The following RNF144B variants were observed in gnomAD, a reference collection of about 807,000 sequenced individuals.
The protein encoded by RNF144B is E3 ubiquitin-protein ligase RNF144B.
Under a neutral mutation model 40.2 loss-of-function variants are expected in RNF144B, and 25 were observed. The ratio of observed to expected loss-of-function variants is 0.62; its 90% confidence interval spans 0.45 to 0.87. RNF144B has a LOEUF of 0.87. Ranked by LOEUF, RNF144B falls within the 40% of genes least tolerant of loss-of-function variation. The pLI is 0.00. For synonymous variants in RNF144B, 145 were observed against 136.3 expected, an observed-to-expected ratio of 1.06 and a Z score of -0.44; for missense variants, 365 against 373.7, an observed-to-expected ratio of 0.98 and a Z score of 0.19.
At position 18,406,457 on chromosome 6, in the gene RNF144B, A is replaced by T. The variant is rs992940223; in HGVS notation, c.165+6758A>T. On this transcript the variant is annotated intron_variant, in intron 2 of 7. Transcript: ENST00000259939. The surrounding 1 kb of genome is among the most constrained non-coding windows in gnomAD (Gnocchi z 4.2). ...CAAAGGAGGCTGGTGTGGCTGGAAAAGTGTGTGTGTGTGTGTGTGTGTGTG... is the reference window on the plus strand; with the variant it reads ...CAAAGGAGGCTGGTGTGGCTGGAAATGTGTGTGTGTGTGTGTGTGTGTGTG... 7.6e-6 allele frequency among the ~76,000 whole-genome samples: 1 copy of T among 130,946 alleles called. No homozygotes were observed. Among genetic ancestry groups the T allele is most frequent in the Admixed American group, 7.7e-5 (1 of 13,062 alleles). 85.9% of individuals were successfully genotyped at this position (130,946 alleles called of 152,430 possible).
rs897262084 is a variant in RNF144B, at chr6:18,410,716, G to A, written c.165+11017G>A. Among the ~76,000 whole-genome samples, 16 of 152,212 alleles carry A rather than the reference G, an allele frequency of 1.1e-4. 1 individual carries two copies. In the East Asian group the frequency reaches 3.1e-3, roughly 29 times the overall value. Reference sequence around the variant, plus strand: ...GTTAAAAAAACATTATGGAGCCACTGGAAGGCTTTGTTTGGGAATGAGATA... The same window carrying A: ...GTTAAAAAAACATTATGGAGCCACTAGAAGGCTTTGTTTGGGAATGAGATA... On this transcript the variant is annotated intron_variant, in intron 2 of 7. Transcript: ENST00000259939. This position sits in a 1 kb window ranked among gnomAD's most constrained non-coding sequence, Gnocchi z 4.6.
chr6:18,409,403 A>AAAAC (rs1794987179), intron 2 of RNF144B, among the ~76,000 whole-genome samples: 6 of 115,700 alleles, frequency 5.2e-5, no homozygotes, highest in South Asian at 5.4e-4. Context: ...AAAAAAAAAA[A>AAAAC]CCCTGGAAAA....
chr6:18,449,143 GT>G (rs1240877476), intron 4 of RNF144B, among the ~76,000 whole-genome samples: 2 of 152,152 alleles, frequency 1.3e-5, no homozygotes, highest in African/African-American at 4.8e-5. Flanking sequence ...TCCATTCTGG[GT>G]TTTTCTGCTT....
chr6:18,454,786 T>C (rs1759291929), intron 4 of RNF144B, among the ~76,000 whole-genome samples: 1 of 152,222 alleles, frequency 6.6e-6, no homozygotes, highest in African/African-American at 2.4e-5. Context: ...CCCAGATACC[T>C]GAAATAATAA....
At chr6:18,396,817 G>GA (rs1562039220) in intron 1 of RNF144B, 1 of 985,214 alleles carries the variant, frequency 1.0e-6, no homozygotes, top group African/African-American at 1.7e-5. Flanking sequence ...TGGGAGGAAG[G>GA]AAAAGGTAAA....
Position 18,395,781 on chromosome 6 carries a change from G to A in RNF144B, c.-36-3718G>A, listed in dbSNP as rs997698841. On this transcript the variant is annotated intron_variant, in intron 1 of 7. Coordinates refer to ENST00000259939, the MANE Select transcript of RNF144B (RefSeq NM_182757.4). This position sits in a 1 kb window ranked among gnomAD's most constrained non-coding sequence, Gnocchi z 4.5. ...CTCTGGACACCCACTATTGGGTGCT[G>A]GCACTTGTCTACCTGAATCTCTTTT... Among the ~76,000 whole-genome samples, 3 of 152,252 alleles carry A rather than the reference G, an allele frequency of 2.0e-5. No individual in the cohort carries two copies. The highest frequency in any genetic ancestry group is 2.9e-5 in the Non-Finnish European group (2 of 68,014).
In RNF144B at chr6:18,457,369, GA is replaced by G; in HGVS notation, c.536+13del. 6.2e-7 allele frequency: 1 copy of G among 1,605,092 alleles called. No homozygotes were observed. The highest frequency in any genetic ancestry group is 8.5e-7 in the Non-Finnish European group (1 of 1,171,766). On this transcript the variant is annotated intron_variant, in intron 5 of 7. Coordinates refer to ENST00000259939, the MANE Select transcript of RNF144B (RefSeq NM_182757.4). The surrounding 1 kb of genome is among the most constrained non-coding windows in gnomAD (Gnocchi z 5.1). Reference sequence around the variant, plus strand: ...TGCCAACAGAGCACCGGTAAGAAAGGAAACTTTGTCTTTGGGATTATTCACT... The same window carrying G: ...TGCCAACAGAGCACCGGTAAGAAAGGAACTTTGTCTTTGGGATTATTCACT...
chr6:18,404,481 C>G (rs143869242), intron 2 of RNF144B, among the ~76,000 whole-genome samples: 1 of 152,138 alleles, frequency 6.6e-6, no homozygotes, highest in Non-Finnish European at 1.5e-5. Flanking sequence ...TGAGCTGTTA[C>G]GTTCTTCAAA....
rs532743068 is a variant in RNF144B at position 18,447,646 on chromosome 6, A to C, written c.331+7902A>C. Among the ~76,000 whole-genome samples the C allele has an allele frequency of 5.3e-5, 8 of 152,320 alleles. No individual in the cohort carries two copies. The highest frequency in any genetic ancestry group is 1.9e-4 in the African/African-American group (8 of 41,578). ...TATGTTAAAAGCAGAAGCATTGAAAATGCCCAGATTTGGAGTCTGTTTTCA... is the reference window on the plus strand; with the variant it reads ...TATGTTAAAAGCAGAAGCATTGAAACTGCCCAGATTTGGAGTCTGTTTTCA... On this transcript the variant is annotated intron_variant, in intron 4 of 7. Transcript: ENST00000259939. The surrounding 1 kb of genome is among the most constrained non-coding windows in gnomAD (Gnocchi z 5.6).
At position 18,457,239 on chromosome 6, in the gene RNF144B, A is replaced by G; in HGVS notation, c.416A>G (p.Gln139Arg). The change falls in exon 5 of 8, where the codon CAG becomes CGG. Residue 139 changes from glutamine to arginine, a missense_variant. Physicochemically the swap from Gln to Arg is conservative, Grantham distance 43 (BLOSUM62 1). Coordinates refer to ENST00000259939, the MANE Select transcript of RNF144B (RefSeq NM_182757.4). The surrounding 1 kb of genome is among the most constrained non-coding windows in gnomAD (Gnocchi z 5.1). ...VCPVASSDPG[Q>R]PVLVECPSCH... is the part of the protein sequence containing the mutation. ...CCTGTTGCCTCGAGTGACCCAGGAC[A>G]GCCTGTGCTGGTGGAATGCCCTTCT... 1 of 1,614,162 alleles carries G rather than the reference A, an allele frequency of 6.2e-7. No homozygotes were observed. Among genetic ancestry groups the G allele is most frequent in the Non-Finnish European group, 8.5e-7 (1 of 1,180,006 alleles).
At position 18,446,713 on chromosome 6, in the gene RNF144B, A is replaced by G. The variant is rs1196187160; in HGVS notation, c.331+6969A>G. ...ATGGATCTTCCAGGGATATTTGGTGATGTCCAAAGACATTTTTGATCGTCA... is the reference window on the plus strand; with the variant it reads ...ATGGATCTTCCAGGGATATTTGGTGGTGTCCAAAGACATTTTTGATCGTCA... On this transcript the variant is annotated intron_variant, in intron 4 of 7. Transcript: ENST00000259939. The surrounding 1 kb of genome is among the most constrained non-coding windows in gnomAD (Gnocchi z 4.7). Among the ~76,000 whole-genome samples the G allele has an allele frequency of 1.3e-5, 2 of 152,138 alleles. No individual in the cohort carries two copies. Among genetic ancestry groups the G allele is most frequent in the Non-Finnish European group, 2.9e-5 (2 of 68,030 alleles).
chr6:18,434,523 C>G lies in RNF144B; in HGVS notation c.271-5161C>G, dbSNP rs1456610253. Among the ~76,000 whole-genome samples the G allele has an allele frequency of 6.6e-6, 1 of 152,116 alleles. No individual in the cohort carries two copies. The highest frequency in any genetic ancestry group is 2.4e-5 in the African/African-American group (1 of 41,404). On this transcript the variant is annotated intron_variant, in intron 3 of 7. Coordinates refer to ENST00000259939, the MANE Select transcript of RNF144B (RefSeq NM_182757.4). The surrounding 1 kb of genome is among the most constrained non-coding windows in gnomAD (Gnocchi z 4.1). ...AGTTGTGTGTAACAGTTACAGCACT[C>G]CCGTGTGTAGGTGTGGTCTGGCTTC...
chr6:18,452,573 G>A (rs1759232265), intron 4 of RNF144B, among the ~76,000 whole-genome samples: 1 of 152,080 alleles, frequency 6.6e-6, no homozygotes, highest in South Asian at 2.1e-4. Context: ...TGCTTTATCT[G>A]TTTGTACATA....
chr6:18,406,880 G>A lies in RNF144B; in HGVS notation c.165+7181G>A, dbSNP rs1411823895. Among the ~76,000 whole-genome samples, 1 of 152,104 alleles carries A rather than the reference G, an allele frequency of 6.6e-6. No homozygotes were observed. Among genetic ancestry groups the A allele is most frequent in the African/African-American group, 2.4e-5 (1 of 41,412 alleles). ...GGAGGTTTAATTGACTCACAGTTCT[G>A]CATGGATGGGGAGGCCTCAGGAAAC... On this transcript the variant is annotated intron_variant, in intron 2 of 7. Transcript: ENST00000259939. The surrounding 1 kb of genome is among the most constrained non-coding windows in gnomAD (Gnocchi z 4.2).
intron 3 of RNF144B, among the ~76,000 whole-genome samples, chr6:18,433,173 G>A (rs907605826): frequency 2.0e-5 from 3 of 152,176 alleles, no homozygotes; most frequent in Non-Finnish European, 4.4e-5. Context: ...ATGGTGGGAA[G>A]CTAGGGCAAA....
intron 3 of RNF144B, among the ~76,000 whole-genome samples, chr6:18,430,924 G>A (rs570697114): frequency 1.3e-5 from 2 of 152,092 alleles, no homozygotes; most frequent in African/African-American, 4.8e-5. Context: ...ATTAAAACCA[G>A]ACAAACCCAT....
rs1372111972 is a variant in RNF144B at position 18,456,748 on chromosome 6, A to G, written c.332-407A>G. On this transcript the variant is annotated intron_variant, in intron 4 of 7. Transcript: ENST00000259939. The surrounding 1 kb of genome is among the most constrained non-coding windows in gnomAD (Gnocchi z 4.7). The stretch of plus-strand genomic sequence containing the variant: ...CTCACCCTTGTTGTATTATACTTCC[A>G]TAAATGTCAGTTTAAAAAAGAGGGT... 6.6e-6 allele frequency among the ~76,000 whole-genome samples: 1 copy of G among 152,156 alleles called. No homozygotes were observed.
At chr6:18,432,454 C>A (rs1183221929) in intron 3 of RNF144B, among the ~76,000 whole-genome samples, 1 of 152,220 alleles carries the variant, frequency 6.6e-6, no homozygotes, top group Non-Finnish European at 1.5e-5. Context: ...TTAGCTTTTG[C>A]TCTGCAGAGC....
Position 18,399,636 on chromosome 6 carries a change from G to C in RNF144B, c.102G>C (p.Leu34=), listed in dbSNP as rs768095266. ...CCCTCATCACTTGCAAACTCTGCCT[G>C]TGTGAGCAGTCTCTGGACAAGATGA... ...PAPLITCKLC[L]CEQSLDKMTT... is the part of the protein sequence containing the mutation. The change falls in exon 2 of 8, where the codon CTG becomes CTC. Residue 34 remains leucine (L), a synonymous_variant. Coordinates refer to ENST00000259939, the MANE Select transcript of RNF144B (RefSeq NM_182757.4). 2 of 1,614,134 alleles carry C rather than the reference G, an allele frequency of 1.2e-6. No individual in the cohort carries two copies. The highest frequency in any genetic ancestry group is 2.2e-5 in the South Asian group (2 of 91,078).
Sources: allele counts gnomAD v4.1 joint callset (sites outside exome capture counted in the v4.1 genomes callset), GRCh38; gene constraint gnomAD v4.1.1; non-coding constraint Gnocchi (gnomAD v3.1); transcripts MANE v1.5; gene names NCBI Gene and HGNC (gene_info 2026-07-23, HGNC 2026-07-21).